The following SDK2 variants were observed in gnomAD, a reference collection of about 807,000 sequenced individuals.
The protein encoded by SDK2 is protein sidekick-2.
In SDK2, 105 loss-of-function variants were observed where a neutral mutation model predicts 253.9. The ratio of observed to expected loss-of-function variants is 0.41; its 90% CI spans 0.35 to 0.49. The LOEUF (loss-of-function observed/expected upper bound fraction) is 0.49, where lower values mean the gene tolerates loss of function less well. Ranked by LOEUF, SDK2 falls within the 20% of genes least tolerant of loss-of-function variation. The pLI is 0.06. For synonymous variants in SDK2, 1,249 were observed against 1,234.9 expected (o/e 1.01, Z -0.24); for missense variants, 2,608 against 3,003.0 (o/e 0.87, Z 3.07).
At chr17:73,387,079 G>A (rs1033804779) in intron 30 of SDK2, among the ~76,000 whole-genome samples, 1 of 152,198 alleles carries the variant, frequency 6.6e-6, no homozygotes, top group Non-Finnish European at 1.5e-5. Context: ...TTGTGCCTCA[G>A]CCTCCTGAAT....
At chr17:73,456,627 A>G (rs1487691590) in intron 3 of SDK2, among the ~76,000 whole-genome samples, 3 of 151,160 alleles carry the variant, frequency 2.0e-5, no homozygotes, top group Non-Finnish European at 2.9e-5. Context: ...TTGGGTGTGT[A>G]GTGTGTAGTG....
chr17:73,424,208 G>A, intron 12 of SDK2, 116 bp from the exon 13 acceptor site: 1 of 815,880 alleles, frequency 1.2e-6, no homozygotes, highest in Non-Finnish European at 1.9e-6. Flanking sequence ...GACAACTGCA[G>A]GCAACAGCCA....
intron 44 of SDK2, among the ~76,000 whole-genome samples, chr17:73,347,976 C>G (rs2062499498): frequency 6.6e-6 from 1 of 152,210 alleles, no homozygotes; most frequent in African/African-American, 2.4e-5. Context: ...TCGGACAGAG[C>G]CTAGTATCAC....
At chr17:73,343,560 C>G (rs1599466574) in intron 44 of SDK2, among the ~76,000 whole-genome samples, 1 of 152,190 alleles carries the variant, frequency 6.6e-6, no homozygotes, top group East Asian at 1.9e-4. Context: ...CCTGCCAGGC[C>G]GCCAGGCAAT....
chr17:73,563,136 G>A (rs2045263318), intron 1 of SDK2, among the ~76,000 whole-genome samples: 1 of 152,244 alleles, frequency 6.6e-6, no homozygotes, highest in Non-Finnish European at 1.5e-5. Flanking sequence ...GGAGACTCAT[G>A]GCCTCTGGCA....
intron 1 of SDK2, among the ~76,000 whole-genome samples, chr17:73,523,095 G>A (rs1164960201): frequency 1.3e-5 from 2 of 152,182 alleles, no homozygotes; most frequent in African/African-American, 4.8e-5. Flanking sequence ...AGGGAGAATT[G>A]GAGCTAGATT....
rs540680710 is a variant in SDK2, at chr17:73,352,479, C to A, written c.5752G>T (p.Val1918Leu). 2 of 1,612,750 alleles carry A rather than the reference C, an allele frequency of 1.2e-6. No individual in the cohort carries two copies. The highest frequency in any genetic ancestry group is 2.7e-5 in the African/African-American group (2 of 75,070). Reference protein sequence around the residue: ...FGTPSSPSQSVPAQKANPFYE... With the variant: ...FGTPSSPSQSLPAQKANPFYE... Reference sequence around the variant, plus strand: ...TCAGCCCCCAGGCCGGTACCTGGCACAGACTGGGAGGGGCTGCTGGGGGTG... The same window carrying A: ...TCAGCCCCCAGGCCGGTACCTGGCAAAGACTGGGAGGGGCTGCTGGGGGTG... The change falls in exon 41 of 45, where the codon GTG (valine) becomes TTG (leucine). Residue 1918 changes from valine (V) to leucine (L), a missense_variant. Val to Leu is a conservative substitution (Grantham distance 32). Transcript: ENST00000392650. The surrounding 1 kb of genome is among the most constrained non-coding windows in gnomAD (Gnocchi z 4.1).
At chr17:73,422,972 G>A (rs1380771225) in intron 14 of SDK2, among the ~76,000 whole-genome samples, 12 of 152,100 alleles carry the variant, frequency 7.9e-5, no homozygotes, top group Non-Finnish European at 1.6e-4. Context: ...AGTGAGCCGA[G>A]ATGGCACCAT....
intron 1 of SDK2, among the ~76,000 whole-genome samples, chr17:73,610,657 C>G (rs184561052): frequency 6.6e-6 from 1 of 152,052 alleles, no homozygotes; most frequent in East Asian, 1.9e-4. Context: ...ACTGGTGTTT[C>G]TGTGTGTGCA....
rs557586511 is a variant in SDK2, at chr17:73,379,378, G to A, written c.4864+70C>T. 18 of 1,515,834 alleles carry A rather than the reference G, an allele frequency of 1.2e-5. No individual in the cohort carries two copies. Among genetic ancestry groups the A allele is most frequent in the Middle Eastern group, 1.8e-4 (1 of 5,684 alleles). The allele number at this position is 1,515,834 out of a possible 1,614,324, so 93.9% of individuals were successfully genotyped here. ...GGGCGGGATGGGGAGCCCAGATCCC[G>A]TTTCTTCCAGCTGAACTGGGTGGGG... On this transcript the variant is annotated intron_variant, in intron 35 of 44. Coordinates refer to ENST00000392650, the MANE Select transcript of SDK2 (RefSeq NM_001144952.2). This position sits in a 1 kb window ranked among gnomAD's most constrained non-coding sequence, Gnocchi z 4.5.
chr17:73,400,804 C>T (rs185828040), intron 21 of SDK2, among the ~76,000 whole-genome samples: 245 of 152,250 alleles, frequency 1.6e-3, no homozygotes, highest in Non-Finnish European at 2.7e-3. Flanking sequence ...CAAGCATGCA[C>T]CACCACAGCT....
intron 1 of SDK2, among the ~76,000 whole-genome samples, chr17:73,590,914 T>G (rs937731458): frequency 6.6e-6 from 1 of 152,170 alleles, no homozygotes; most frequent in Non-Finnish European, 1.5e-5. Flanking sequence ...TATTTATTTG[T>G]TTATGTTTAT....
chr17:73,353,031 C>T (rs2062552505), intron 40 of SDK2, among the ~76,000 whole-genome samples: 1 of 151,750 alleles, frequency 6.6e-6, no homozygotes, highest in South Asian at 2.1e-4. Context: ...ATGGAAGTTG[C>T]AGTGAGCTGA....
chr17:73,640,399 T>C (rs993217986), intron 1 of SDK2, among the ~76,000 whole-genome samples: 1 of 151,974 alleles, frequency 6.6e-6, no homozygotes, highest in African/African-American at 2.4e-5. Flanking sequence ...CACCAAGCTG[T>C]ATCCCTCATC....
chr17:73,588,343 C>T (rs547818130), intron 1 of SDK2, among the ~76,000 whole-genome samples: 1 of 144,312 alleles, frequency 6.9e-6, no homozygotes, highest in Admixed American at 7.2e-5. Context: ...GCCGAGATCG[C>T]GCCTTTGCAC....
At chr17:73,411,559 G>A (rs539835610) in intron 18 of SDK2, among the ~76,000 whole-genome samples, 10 of 152,198 alleles carry the variant, frequency 6.6e-5, no homozygotes, top group East Asian at 5.8e-4. Flanking sequence ...TCTGCCCCAC[G>A]TTGCTGGGGG....
intron 1 of SDK2, among the ~76,000 whole-genome samples, chr17:73,575,456 G>C (rs1007995519): frequency 6.6e-6 from 1 of 152,192 alleles, no homozygotes; most frequent in Non-Finnish European, 1.5e-5. Context: ...GTGAAAAGTG[G>C]CATAGCAATG....
At position 73,370,380 on chromosome 17, in the gene SDK2, C is replaced by T. The variant is rs1234953567; in HGVS notation, c.4981-1787G>A. ...ACCTCAGCCTCCTGAGTGGCCAGGA[C>T]TACAGGTGTGCACCACCACACCCAG... On this transcript the variant is annotated intron_variant, in intron 36 of 44. Coordinates refer to ENST00000392650, the MANE Select transcript of SDK2 (RefSeq NM_001144952.2). 4.6e-5 allele frequency among the ~76,000 whole-genome samples: 7 copies of T among 152,018 alleles called. No individual in the cohort carries two copies. The South Asian group carries it at 1.2e-3, about 27-fold the overall frequency.
At chr17:73,531,929 C>T (rs1176262091) in intron 1 of SDK2, among the ~76,000 whole-genome samples, 1 of 152,172 alleles carries the variant, frequency 6.6e-6, no homozygotes, top group Non-Finnish European at 1.5e-5. Context: ...TGGACACTGC[C>T]AGTCTAGCCC....
Sources: gnomAD v4.1 joint callset for allele counts (sites outside exome capture counted in the v4.1 genomes callset) on GRCh38, gnomAD v4.1.1 for gene constraint, Gnocchi (gnomAD v3.1) non-coding constraint, MANE v1.5 for transcripts, NCBI Gene and HGNC (gene_info 2026-07-23, HGNC 2026-07-21) for gene names.